TNS3: variants seen among roughly 807,000 people sequenced by gnomAD.
The protein encoded by TNS3 is tensin 3.
TNS3 carries 45 observed loss-of-function variants against 140.9 expected under a neutral mutation model. The ratio of observed to expected loss-of-function variants is 0.32; its 90% CI spans 0.25 to 0.41. The LOEUF (loss-of-function observed/expected upper bound fraction) is 0.41, where lower values mean the gene tolerates loss of function less well. Ranked by LOEUF, TNS3 falls within the 10% of genes least tolerant of loss-of-function variation. TNS3 has a pLI of 1.00. For missense variants in TNS3, 1,716 were observed against 1,906.7 expected (o/e 0.90, Z 1.86); for synonymous variants, 815 against 788.4 (o/e 1.03, Z -0.56).
intron 24 of TNS3, among the ~76,000 whole-genome samples, chr7:47,296,838 TG>T (rs1216289893): frequency 1.3e-5 from 2 of 152,194 alleles, no homozygotes; most frequent in African/African-American, 4.8e-5. Flanking sequence ...CCTTATCCCA[TG>T]GTTCTAATTT....
At chr7:47,402,107 G>A (rs1188259107) in intron 13 of TNS3, among the ~76,000 whole-genome samples, 1 of 152,210 alleles carries the variant, frequency 6.6e-6, no homozygotes, top group Non-Finnish European at 1.5e-5. Flanking sequence ...TCCCTAACCA[G>A]ATGAACATCC....
At chr7:47,358,822 A>T (rs947827345) in intron 17 of TNS3, among the ~76,000 whole-genome samples, 1 of 152,126 alleles carries the variant, frequency 6.6e-6, no homozygotes. Context: ...TTCTACCACC[A>T]CCTACCTAGG....
intron 17 of TNS3, among the ~76,000 whole-genome samples, chr7:47,363,542 G>C (rs1031723194): frequency 1.3e-5 from 2 of 152,214 alleles, no homozygotes; most frequent in Admixed American, 6.5e-5. Flanking sequence ...TCTGCAAATA[G>C]TGAAAGATTC....
Position 47,275,720 on chromosome 7 carries a change from A to T in TNS3, c.*2356T>A. ...GGAAACTTGCTTCCTTTGGTTCCTC[A>T]GAGGGAGCTATCTGCTTGGAGCAAA... On this transcript the variant is annotated 3_prime_UTR_variant, in exon 31 of 31. Coordinates refer to ENST00000311160, the MANE Select transcript of TNS3 (RefSeq NM_022748.12). 2 of 442,162 alleles carry T rather than the reference A, an allele frequency of 4.5e-6. No homozygotes were observed. Among genetic ancestry groups the T allele is most frequent in the Admixed American group, 4.8e-5 (2 of 41,450 alleles). The allele number at this position is 442,162 out of a possible 1,614,324, so 27.4% of individuals were successfully genotyped here. A position where few individuals can be genotyped will look rare whatever the true frequency, so the allele number is the denominator to read the frequency against.
At chr7:47,322,812 C>T (rs1787822902) in intron 20 of TNS3, among the ~76,000 whole-genome samples, 1 of 152,154 alleles carries the variant, frequency 6.6e-6, no homozygotes, top group Admixed American at 6.5e-5. Context: ...CTAAAGCCCT[C>T]AAGAGCAGCC....
chr7:47,545,000 C>CT (rs1799881691), intron 1 of TNS3, among the ~76,000 whole-genome samples: 1 of 152,026 alleles, frequency 6.6e-6, no homozygotes, highest in African/African-American at 2.4e-5. Flanking sequence ...TACTCTGCCA[C>CT]TTTGAGCACC....
chr7:47,446,636 A>G (rs1323238301), intron 4 of TNS3, among the ~76,000 whole-genome samples: 5 of 151,054 alleles, frequency 3.3e-5, no homozygotes, highest in African/African-American at 1.2e-4. Flanking sequence ...TCTGTGGTTA[A>G]GGTTAAACCT....
intron 3 of TNS3, among the ~76,000 whole-genome samples, chr7:47,497,988 C>G (rs910811285): frequency 5.9e-5 from 9 of 152,186 alleles, no homozygotes; most frequent in African/African-American, 2.2e-4. Context: ...CAGCTGGCCC[C>G]TTCTCTCCTC....
chr7:47,482,198 T>C (rs1170645574), intron 3 of TNS3, among the ~76,000 whole-genome samples: 3 of 152,246 alleles, frequency 2.0e-5, no homozygotes, highest in African/African-American at 7.2e-5. Context: ...AGGAGAATCG[T>C]AGAGAATCTC....
chr7:47,461,146 A>G (rs1365553102), intron 4 of TNS3, among the ~76,000 whole-genome samples: 2 of 152,258 alleles, frequency 1.3e-5, no homozygotes, highest in Admixed American at 6.5e-5. Flanking sequence ...AGGTGTAAAC[A>G]TAAGACAGTG....
intron 4 of TNS3, among the ~76,000 whole-genome samples, chr7:47,446,275 C>A (rs1005761963): frequency 1.3e-5 from 2 of 152,054 alleles, no homozygotes; most frequent in Non-Finnish European, 2.9e-5. Context: ...CCATGCCCAG[C>A]TAATTTTTTT....
intron 13 of TNS3, among the ~76,000 whole-genome samples, chr7:47,404,112 G>T (rs550312703): frequency 6.6e-6 from 1 of 152,316 alleles, no homozygotes; most frequent in East Asian, 1.9e-4. Flanking sequence ...TCAAAGATGT[G>T]CAGTCACAAT....
intron 11 of TNS3, 151 bp downstream of exon 11, chr7:47,414,943 A>AG (rs1263830354): frequency 1.6e-6 from 1 of 627,398 alleles, no homozygotes; most frequent in Non-Finnish European, 2.8e-6. Flanking sequence ...TGACCACTGA[A>AG]GGGGGACCCA....
intron 3 of TNS3, among the ~76,000 whole-genome samples, chr7:47,495,572 C>G (rs13236843): frequency 3.9e-5 from 6 of 152,136 alleles, no homozygotes; most frequent in Admixed American, 2.0e-4. Flanking sequence ...TGAACTCAGG[C>G]TCTGGAAGAC....
intron 20 of TNS3, among the ~76,000 whole-genome samples, chr7:47,318,373 C>A (rs747272081): frequency 6.6e-6 from 1 of 152,206 alleles, no homozygotes; most frequent in Non-Finnish European, 1.5e-5. Context: ...ACTTTGCGAA[C>A]AGTTACATTT....
intron 1 of TNS3, among the ~76,000 whole-genome samples, chr7:47,576,443 C>T (rs1342232324): frequency 6.6e-6 from 1 of 152,216 alleles, no homozygotes; most frequent in Non-Finnish European, 1.5e-5. Context: ...AGTTCTGCCC[C>T]AGGTTTGTGG....
At chr7:47,504,752 T>C (rs1269335078) in intron 3 of TNS3, among the ~76,000 whole-genome samples, 1 of 152,164 alleles carries the variant, frequency 6.6e-6, no homozygotes, top group Admixed American at 6.5e-5. Context: ...ATGGCCCTCA[T>C]ATCCCCAACA....
intron 4 of TNS3, among the ~76,000 whole-genome samples, chr7:47,474,161 A>G (rs1797072107): frequency 7.1e-6 from 1 of 141,098 alleles, no homozygotes; most frequent in South Asian, 2.2e-4. Flanking sequence ...ACATAAAAAA[A>G]CCTCACACAC....
chr7:47,321,438 G>T lies in TNS3; in HGVS notation c.2651-16435C>A, dbSNP rs916922688. ...CCATTCCACTGAGTCCAAAACTCAC[G>T]AATACAGAGGCCACCAGCACTACTG... On this transcript the variant is annotated intron_variant, in intron 20 of 30. Transcript: ENST00000311160. 2.0e-5 allele frequency among the ~76,000 whole-genome samples: 3 copies of T among 152,328 alleles called. No individual in the cohort carries two copies. In the East Asian group the frequency reaches 5.8e-4, roughly 29 times the overall value.
Sources: allele counts gnomAD v4.1 joint callset (sites outside exome capture counted in the v4.1 genomes callset), GRCh38; gene constraint gnomAD v4.1.1; transcripts MANE v1.5; gene names NCBI Gene and HGNC (gene_info 2026-07-23, HGNC 2026-07-21).